The following GSE1 variants were observed in gnomAD, a reference collection of about 807,000 sequenced individuals.
GSE1 encodes genetic suppressor element 1.
Under a neutral mutation model 112.6 loss-of-function variants are expected in GSE1, and 32 were observed. The ratio of observed to expected loss-of-function variants is 0.28; its 90% CI spans 0.21 to 0.38. The LOEUF (loss-of-function observed/expected upper bound fraction) is 0.38, where lower values mean the gene tolerates loss of function less well. Among genes scored for constraint, GSE1 ranks in the 10% least tolerant of loss-of-function variants. The pLI is 1.00. For missense variants in GSE1, 2,348 were observed against 1,699.2 expected, an observed-to-expected ratio of 1.38 and a Z score of -6.71; for synonymous variants, 1,115 against 735.6, an observed-to-expected ratio of 1.52 and a Z score of -8.35.
At chr16:85,477,700 A>T (rs1171104655) in intron 2 of GSE1, among the ~76,000 whole-genome samples, 2 of 151,570 alleles carry the variant, frequency 1.3e-5, no homozygotes, top group East Asian at 1.9e-4. Flanking sequence ...AATTGGGATT[A>T]GAGGCACCCG....
chr16:85,335,706 G>C (rs745884836), intron 1 of GSE1, among the ~76,000 whole-genome samples: 1 of 152,220 alleles, frequency 6.6e-6, no homozygotes, highest in East Asian at 1.9e-4. Context: ...GTTGGCTGCC[G>C]GGAGAAAGAG....
In GSE1 at chr16:85,426,060, T is replaced by TGGATGGATGGATGGATGGAA. The variant is rs1179024292; in HGVS notation, c.2464+68431_2464+68432insATGGAAGGATGGATGGATGG. The stretch of plus-strand genomic sequence containing the variant: ...ATGGATGGATGGATGGATGGATGGA[T>TGGATGGATGGATGGATGGAA]GGATGGATGGATGGGTAGATGGATG... On this transcript the variant is annotated intron_variant, in intron 2 of 2. Coordinates refer to the GSE1 transcript ENST00000637419. Among the ~76,000 whole-genome samples, 51 of 137,874 alleles carry TGGATGGATGGATGGATGGAA rather than the reference T, an allele frequency of 3.7e-4. 2 individuals carry two copies. The highest frequency in any genetic ancestry group is 9.7e-4 in the African/African-American group (38 of 39,000). The allele number at this position is 137,874 out of a possible 152,430, so 90.5% of individuals were successfully genotyped here. A position where few individuals can be genotyped will look rare whatever the true frequency, so the allele number is the denominator to read the frequency against.
chr16:85,229,978 G>C (rs1468243399), intron 1 of GSE1, among the ~76,000 whole-genome samples: 2 of 152,180 alleles, frequency 1.3e-5, no homozygotes, highest in Admixed American at 6.5e-5. Context: ...CCAGGGCTGT[G>C]CCACATGCCC....
chr16:85,295,164 C>G (rs1014199506), intron 1 of GSE1, among the ~76,000 whole-genome samples: 2 of 152,184 alleles, frequency 1.3e-5, no homozygotes, highest in African/African-American at 4.8e-5. Flanking sequence ...GGAAACCCCA[C>G]ACTCACCCAG....
chr16:85,216,420 T>A (rs1432125667), intron 1 of GSE1, among the ~76,000 whole-genome samples: 1 of 152,214 alleles, frequency 6.6e-6, no homozygotes, highest in Non-Finnish European at 1.5e-5. Flanking sequence ...GATAAAGCAC[T>A]GTTATTACCA....
At chr16:85,227,712 C>T (rs1463307039) in intron 1 of GSE1, among the ~76,000 whole-genome samples, 1 of 152,170 alleles carries the variant, frequency 6.6e-6, no homozygotes, top group African/African-American at 2.4e-5. Flanking sequence ...AGATTCATTT[C>T]AGGGCAGCCG....
At chr16:85,394,244 G>A (rs1458283713) in intron 2 of GSE1, among the ~76,000 whole-genome samples, 1 of 152,308 alleles carries the variant, frequency 6.6e-6, no homozygotes, top group South Asian at 2.1e-4. Flanking sequence ...CAAGGCCCGA[G>A]AAATTAAATG....
At chr16:85,314,669 G>A (rs1410292120) in intron 1 of GSE1, among the ~76,000 whole-genome samples, 8 of 152,168 alleles carry the variant, frequency 5.3e-5, no homozygotes. Flanking sequence ...CCCATGCATG[G>A]CGGGCCTGGG....
intron 1 of GSE1, among the ~76,000 whole-genome samples, chr16:85,314,522 G>A (rs1013042340): frequency 3.9e-5 from 6 of 152,140 alleles, no homozygotes; most frequent in East Asian, 1.9e-4. Flanking sequence ...TCCCCTACAC[G>A]TGTGTGCACA....
chr16:85,378,100 C>G (rs1398170617), intron 2 of GSE1, among the ~76,000 whole-genome samples: 1 of 152,176 alleles, frequency 6.6e-6, no homozygotes, highest in Non-Finnish European at 1.5e-5. Flanking sequence ...TCCCCCGCCA[C>G]CACCCGGTGC....
chr16:85,246,509 C>CG (rs1567636504), intron 1 of GSE1, among the ~76,000 whole-genome samples: 1 of 102,072 alleles, frequency 9.8e-6, no homozygotes, highest in African/African-American at 3.3e-5. Flanking sequence ...CACCCCCCCC[C>CG]CCCCGACGCT....
intron 1 of GSE1, among the ~76,000 whole-genome samples, chr16:85,630,035 C>G (rs1021768484): frequency 3.3e-5 from 5 of 152,214 alleles, no homozygotes; most frequent in African/African-American, 1.2e-4. Context: ...GCGGTCTCAT[C>G]AGAAGGCCAG....
chr16:85,526,921 T>G (rs2052381977), intron 2 of GSE1, among the ~76,000 whole-genome samples: 1 of 152,208 alleles, frequency 6.6e-6, no homozygotes, highest in Admixed American at 6.5e-5. Context: ...GACTTGTAAA[T>G]GTAAAATGAG....
At chr16:85,655,287 G>A (rs540220250) in intron 5 of GSE1, among the ~76,000 whole-genome samples, 4 of 152,330 alleles carry the variant, frequency 2.6e-5, no homozygotes, top group East Asian at 1.9e-4. Context: ...GGCTTTGCCC[G>A]TGGGAGAGGC....
chr16:85,221,328 A>AC (rs1227534383), intron 1 of GSE1, among the ~76,000 whole-genome samples: 5 of 148,220 alleles, frequency 3.4e-5, no homozygotes, highest in African/African-American at 1.3e-4. Flanking sequence ...ACACACACAC[A>AC]CACACACCCC....
At chr16:85,641,716 T>G (rs1009426394) in intron 2 of GSE1, among the ~76,000 whole-genome samples, 11 of 152,350 alleles carry the variant, frequency 7.2e-5, no homozygotes, top group African/African-American at 2.4e-4. Context: ...GGTGGGGGGC[T>G]GATTGGCTCT....
chr16:85,534,336 G>C (rs1286749185), intron 2 of GSE1, among the ~76,000 whole-genome samples: 6 of 152,000 alleles, frequency 3.9e-5, no homozygotes, highest in Non-Finnish European at 7.4e-5. Context: ...TGGCCAGGCT[G>C]GTCTTGAACT....
chr16:85,192,756 C>T (rs535605472), intron 1 of GSE1, among the ~76,000 whole-genome samples: 11 of 152,320 alleles, frequency 7.2e-5, no homozygotes, highest in African/African-American at 2.6e-4. Flanking sequence ...TCTTTGGCAG[C>T]CTCTGGGTGG....
At chr16:85,188,922 T>C (rs991559101) in intron 1 of GSE1, among the ~76,000 whole-genome samples, 2 of 152,222 alleles carry the variant, frequency 1.3e-5, no homozygotes, top group African/African-American at 2.4e-5. Flanking sequence ...ATGCAAAATC[T>C]GGTGCATATG....
Sources: gnomAD v4.1 joint callset for allele counts (sites outside exome capture counted in the v4.1 genomes callset) on GRCh38, gnomAD v4.1.1 for gene constraint, MANE v1.5 for transcripts, NCBI Gene and HGNC (gene_info 2026-07-23, HGNC 2026-07-21) for gene names.